LYPD6: variants seen among roughly 807,000 people sequenced by gnomAD.
LYPD6 encodes ly6/PLAUR domain-containing protein 6.
In LYPD6, 15 loss-of-function variants were observed where a neutral mutation model predicts 22.7. The ratio of observed to expected loss-of-function variants is 0.66; its 90% confidence interval spans 0.44 to 1.02. The LOEUF (loss-of-function observed/expected upper bound fraction) is 1.02, where lower values mean the gene tolerates loss of function less well. LYPD6 is among the 50% of genes least tolerant of loss of function. LYPD6 has a pLI of 0.00. For missense variants in LYPD6, 189 were observed against 208.4 expected (o/e 0.91, Z 0.57); for synonymous variants, 72 against 77.5 (o/e 0.93, Z 0.37).
chr2:149,396,645 A>G (rs1462195656), intron 1 of LYPD6, among the ~76,000 whole-genome samples: 3 of 152,110 alleles, frequency 2.0e-5, no homozygotes, highest in Non-Finnish European at 4.4e-5. Context: ...TGTTTTCCTC[A>G]GATGAAGCAT....
At chr2:149,389,718 T>G (rs1251315070) in intron 1 of LYPD6, among the ~76,000 whole-genome samples, 1 of 152,160 alleles carries the variant, frequency 6.6e-6, no homozygotes. Flanking sequence ...CAAGGCAAAG[T>G]TGATCTCTCC....
chr2:149,388,697 T>C (rs1433088878), intron 1 of LYPD6, among the ~76,000 whole-genome samples: 1 of 152,214 alleles, frequency 6.6e-6, no homozygotes, highest in African/African-American at 2.4e-5. Flanking sequence ...GCTTCTTTTT[T>C]ACAAGATGAT....
intron 1 of LYPD6, among the ~76,000 whole-genome samples, chr2:149,358,439 T>C (rs1028328094): frequency 6.6e-6 from 1 of 152,154 alleles, no homozygotes; most frequent in Non-Finnish European, 1.5e-5. Flanking sequence ...AACTAGAAGA[T>C]AACACTTGAA....
chr2:149,344,312 A>G (rs1681214929), intron 1 of LYPD6, among the ~76,000 whole-genome samples: 1 of 152,204 alleles, frequency 6.6e-6, no homozygotes, highest in African/African-American at 2.4e-5. Context: ...TCTGCAAGCT[A>G]TGCACTTTTC....
intron 1 of LYPD6, among the ~76,000 whole-genome samples, chr2:149,399,744 A>G (rs1202588565): frequency 2.6e-5 from 4 of 151,448 alleles, no homozygotes; most frequent in African/African-American, 9.7e-5. Context: ...AAAAATAAGT[A>G]CATAATGAAA....
chr2:149,425,778 C>T (rs538829488), intron 1 of LYPD6, among the ~76,000 whole-genome samples: 1 of 152,302 alleles, frequency 6.6e-6, no homozygotes, highest in East Asian at 1.9e-4. Context: ...TTTTTGCCTT[C>T]AAATGCAGGA....
chr2:149,368,811 A>C (rs190968670), intron 1 of LYPD6, among the ~76,000 whole-genome samples: 68 of 152,252 alleles, frequency 4.5e-4, no homozygotes, highest in Admixed American at 4.1e-3. Flanking sequence ...CAGAATCATC[A>C]AGACAGGGTG....
chr2:149,397,566 G>A (rs1682454427), intron 1 of LYPD6, among the ~76,000 whole-genome samples: 1 of 152,230 alleles, frequency 6.6e-6, no homozygotes, highest in African/African-American at 2.4e-5. Flanking sequence ...CACATTTATA[G>A]ACAAACTACC....
In LYPD6 at chr2:149,382,851, AAGAT is replaced by A. The variant is rs370069118; in HGVS notation, c.-72+52134_-72+52137del. ...TGTGGACTCTTTTCTAGAATTCTTTAAGATAGATTAAGTTTTCTTATAGTACTTC... is the reference window on the plus strand; with the variant it reads ...TGTGGACTCTTTTCTAGAATTCTTTAAGATTAAGTTTTCTTATAGTACTTC... On this transcript the variant is annotated intron_variant, in intron 1 of 4. Coordinates refer to ENST00000334166, the MANE Select transcript of LYPD6 (RefSeq NM_194317.5). 6.6e-5 allele frequency among the ~76,000 whole-genome samples: 10 copies of A among 152,222 alleles called. No homozygotes were observed. In the East Asian group the frequency reaches 1.5e-3, roughly 23 times the overall value.
chr2:149,381,486 G>A (rs1209847395), intron 1 of LYPD6, among the ~76,000 whole-genome samples: 2 of 152,080 alleles, frequency 1.3e-5, no homozygotes, highest in Admixed American at 1.3e-4. Context: ...GAGAGGTGGT[G>A]GTGAGACCAT....
At chr2:149,468,818 G>T (rs752087219) in intron 4 of LYPD6, 43 bp downstream of exon 4, 1 of 1,604,310 alleles carries the variant, frequency 6.2e-7, no homozygotes. Flanking sequence ...ATAGCCAGCT[G>T]CCTTCTCTTC....
At chr2:149,437,517 G>C in intron 1 of LYPD6, 121 bp from the exon 2 acceptor site, 1 of 723,698 alleles carries the variant, frequency 1.4e-6, no homozygotes. Flanking sequence ...TTCTCTCCAT[G>C]TCTACCCACT....
intron 1 of LYPD6, among the ~76,000 whole-genome samples, chr2:149,431,792 G>T (rs993625959): frequency 6.6e-6 from 1 of 152,046 alleles, no homozygotes; most frequent in Non-Finnish European, 1.5e-5. Flanking sequence ...AAAAACTTTT[G>T]TAGATCAAAG....
rs929019816 is a variant in LYPD6 at position 149,421,809 on chromosome 2, G to A, written c.-71-15829G>A. Reference sequence around the variant, plus strand: ...TTAACATTCATTAGTTAACGGAATGGGTGAGGTTCTGTCTGTGAAACCGTT... The same window carrying A: ...TTAACATTCATTAGTTAACGGAATGAGTGAGGTTCTGTCTGTGAAACCGTT... On this transcript the variant is annotated intron_variant, in intron 1 of 4. Transcript: ENST00000334166. 2.0e-5 allele frequency among the ~76,000 whole-genome samples: 3 copies of A among 152,008 alleles called. No homozygotes were observed. The East Asian group carries it at 5.8e-4, about 29-fold the overall frequency.
At chr2:149,428,022 A>G (rs1466677178) in intron 1 of LYPD6, among the ~76,000 whole-genome samples, 2 of 152,214 alleles carry the variant, frequency 1.3e-5, no homozygotes, top group East Asian at 1.9e-4. Flanking sequence ...TTTTTATGCA[A>G]ATAGATTCGC....
chr2:149,347,454 C>T (rs1681279279), intron 1 of LYPD6, among the ~76,000 whole-genome samples: 1 of 152,162 alleles, frequency 6.6e-6, no homozygotes, highest in Admixed American at 6.5e-5. Flanking sequence ...CCCCAATTCC[C>T]TAACAATTTG....
chr2:149,479,379 A>G, the LYPD6 span, among the ~76,000 whole-genome samples: 106 of 152,248 alleles, frequency 7.0e-4, no homozygotes, highest in Non-Finnish European at 1.2e-3. Context: ...AGTGGCTGAC[A>G]AATAATCTCT....
At chr2:149,448,408 G>A (rs1341071405) in intron 2 of LYPD6, among the ~76,000 whole-genome samples, 1 of 152,178 alleles carries the variant, frequency 6.6e-6, no homozygotes, top group African/African-American at 2.4e-5. Flanking sequence ...TACTCTGTGT[G>A]TGTACATTTA....
At chr2:149,417,969 T>C (rs1359871890) in intron 1 of LYPD6, among the ~76,000 whole-genome samples, 1 of 152,246 alleles carries the variant, frequency 6.6e-6, no homozygotes, top group Non-Finnish European at 1.5e-5. Context: ...ATTTTTGCCA[T>C]GAGCATTGAG....
Sources: gnomAD v4.1 joint callset for allele counts (sites outside exome capture counted in the v4.1 genomes callset) on GRCh38, gnomAD v4.1.1 for gene constraint, MANE v1.5 for transcripts, NCBI Gene and HGNC (gene_info 2026-07-23, HGNC 2026-07-21) for gene names.